FOXP1: variants seen among roughly 807,000 people sequenced by gnomAD.
FOXP1 encodes forkhead box protein P1.
FOXP1 carries 15 observed loss-of-function variants against 98.2 expected under a neutral mutation model. The ratio of observed to expected loss-of-function variants is 0.15; its 90% CI spans 0.10 to 0.24. The LOEUF is 0.24. FOXP1 is among the 10% of genes least tolerant of loss of function. The pLI, the probability that FOXP1 is intolerant of heterozygous loss-of-function variation, is 1.00. For synonymous variants in FOXP1, 371 were observed against 314.5 expected (o/e 1.18, Z -1.90); for missense variants, 633 against 848.5 (o/e 0.75, Z 3.15).
chr3:71,560,975 A>G (rs1358838850), intron 2 of FOXP1, among the ~76,000 whole-genome samples: 1 of 152,216 alleles, frequency 6.6e-6, no homozygotes, highest in Non-Finnish European at 1.5e-5. Context: ...TCTGTGGGAC[A>G]TAAAAATGTT....
chr3:70,997,063 T>C (rs1006146062), intron 13 of FOXP1, among the ~76,000 whole-genome samples: 3 of 152,246 alleles, frequency 2.0e-5, no homozygotes, highest in African/African-American at 4.8e-5. Context: ...TTTCCTGGAC[T>C]GATAAATGCT....
chr3:70,967,997 C>A (rs1177650624), intron 19 of FOXP1, among the ~76,000 whole-genome samples: 1 of 152,164 alleles, frequency 6.6e-6, no homozygotes, highest in East Asian at 1.9e-4. Flanking sequence ...ATGAGTTTGT[C>A]ATCCTCTAGA....
intron 7 of FOXP1, among the ~76,000 whole-genome samples, chr3:71,074,295 T>C (rs537582230): frequency 3.9e-5 from 6 of 152,300 alleles, no homozygotes; most frequent in African/African-American, 1.4e-4. Context: ...TGGTGCAATC[T>C]TGGCTCACTG....
At chr3:70,979,279 CAAAAAAAAAAAAAAAAAAA>C (rs544916383) in intron 14 of FOXP1, among the ~76,000 whole-genome samples, 72 of 42,556 alleles carry the variant, frequency 1.7e-3, no homozygotes, top group Non-Finnish European at 2.2e-3. Flanking sequence ...GACTCTACCT[CAAAAAAAAAAAAAAAAAAA>C]AAAAAAAAAA....
chr3:71,582,826 C>T (rs1214495852), intron 1 of FOXP1: 1 of 981,022 alleles, frequency 1.0e-6, no homozygotes, highest in East Asian at 1.1e-4. Context: ...GAGGGGGTGG[C>T]GGGAGAGCTT....
chr3:71,396,991 T>C (rs1310642566), intron 3 of FOXP1, among the ~76,000 whole-genome samples: 43 of 76,604 alleles, frequency 5.6e-4, no homozygotes, highest in African/African-American at 2.5e-3. Flanking sequence ...TGTGTATATA[T>C]ATACACATAT....
At chr3:71,014,944 G>C (rs2044225642) in intron 12 of FOXP1, among the ~76,000 whole-genome samples, 2 of 150,088 alleles carry the variant, frequency 1.3e-5, no homozygotes, top group South Asian at 2.1e-4. Flanking sequence ...TGAACGATGA[G>C]AACACTTGGA....
At chr3:71,432,927 A>G (rs2084868481) in intron 3 of FOXP1, among the ~76,000 whole-genome samples, 1 of 151,728 alleles carries the variant, frequency 6.6e-6, no homozygotes, top group African/African-American at 2.4e-5. Context: ...TTCCAAGGAT[A>G]TACCAGAGTC....
chr3:71,267,247 C>T (rs2069783694), intron 5 of FOXP1, among the ~76,000 whole-genome samples: 1 of 152,086 alleles, frequency 6.6e-6, no homozygotes, highest in Non-Finnish European at 1.5e-5. Flanking sequence ...GTATTAGGAG[C>T]TCTGAAGCAA....
At chr3:71,282,024 G>A (rs571095990) in intron 5 of FOXP1, among the ~76,000 whole-genome samples, 2 of 151,946 alleles carry the variant, frequency 1.3e-5, no homozygotes, top group African/African-American at 4.8e-5. Flanking sequence ...GGGAAGACTC[G>A]CTTGAACCCA....
chr3:71,478,926 G>A (rs73093426), intron 3 of FOXP1, among the ~76,000 whole-genome samples: 3 of 152,316 alleles, frequency 2.0e-5, no homozygotes, highest in South Asian at 2.1e-4. Context: ...TTGAAAGGAG[G>A]GGGGGAGGGA....
chr3:71,143,319 T>A (rs780304515), intron 6 of FOXP1, among the ~76,000 whole-genome samples: 1 of 152,206 alleles, frequency 6.6e-6, no homozygotes, highest in Non-Finnish European at 1.5e-5. Context: ...TGGATCTTCT[T>A]GGCAGACCAT....
chr3:71,526,559 G>C (rs1330679900), intron 2 of FOXP1, among the ~76,000 whole-genome samples: 1 of 152,064 alleles, frequency 6.6e-6, no homozygotes, highest in South Asian at 2.1e-4. Context: ...GTCATTTTAG[G>C]GTCTTACATT....
chr3:71,417,825 C>A (rs1356828028), intron 3 of FOXP1, among the ~76,000 whole-genome samples: 2 of 152,092 alleles, frequency 1.3e-5, no homozygotes, highest in African/African-American at 4.8e-5. Flanking sequence ...ACCCAACGAG[C>A]ATTTGGTCCG....
chr3:71,262,214 C>G (rs752889569), intron 5 of FOXP1, among the ~76,000 whole-genome samples: 1 of 120,922 alleles, frequency 8.3e-6, no homozygotes, highest in Non-Finnish European at 1.6e-5. Context: ...TGCAGTGAGC[C>G]AAGATTGCGC....
At chr3:71,375,990 G>A (rs374207229) in intron 3 of FOXP1, among the ~76,000 whole-genome samples, 13 of 152,202 alleles carry the variant, frequency 8.5e-5, no homozygotes, top group Admixed American at 4.6e-4. Flanking sequence ...TGTAAGATTC[G>A]TGGACTGCAA....
chr3:71,188,642 T>TCCTGACCTCAGGTGATCCGCCCA (rs2062792358), intron 6 of FOXP1, among the ~76,000 whole-genome samples: 1 of 152,176 alleles, frequency 6.6e-6, no homozygotes, highest in Non-Finnish European at 1.5e-5. Flanking sequence ...GGTCTCGAAC[T>TCCTGACCTCAGGTGATCCGCCCA]CCTGACCTCA....
chr3:71,034,111 TA>T (rs1175521554), intron 11 of FOXP1, among the ~76,000 whole-genome samples: 1 of 152,174 alleles, frequency 6.6e-6, no homozygotes, highest in Non-Finnish European at 1.5e-5. Flanking sequence ...CACTGGTTTC[TA>T]ACCTCCTGAC....
chr3:71,103,159 T>C (rs1020271076), intron 7 of FOXP1, among the ~76,000 whole-genome samples: 5 of 152,272 alleles, frequency 3.3e-5, no homozygotes, highest in Admixed American at 2.6e-4. Flanking sequence ...TATCTCAAGA[T>C]AGTGAAGTTC....
Sources: gnomAD v4.1 joint callset for allele counts (sites outside exome capture counted in the v4.1 genomes callset) on GRCh38, gnomAD v4.1.1 for gene constraint, MANE v1.5 for transcripts, NCBI Gene and HGNC (gene_info 2026-07-23, HGNC 2026-07-21) for gene names.